The following ARHGEF7 variants were observed in gnomAD, a reference collection of about 807,000 sequenced individuals.
ARHGEF7 encodes PAK-interacting exchange factor beta.
In ARHGEF7, 33 loss-of-function variants were observed where a neutral mutation model predicts 109.8. That is an observed-to-expected ratio of 0.30 (90% CI 0.23 to 0.40). ARHGEF7 has a LOEUF of 0.40. Ranked by LOEUF, ARHGEF7 falls within the 10% of genes least tolerant of loss-of-function variation. The pLI is 1.00. For missense variants in ARHGEF7, 938 were observed against 1,098.5 expected (o/e 0.85, Z 2.07); for synonymous variants, 458 against 424.6 (o/e 1.08, Z -0.97).
chr13:111,206,663 A>G (rs1319929589), intron 3 of ARHGEF7, among the ~76,000 whole-genome samples: 1 of 152,154 alleles, frequency 6.6e-6, no homozygotes, highest in African/African-American at 2.4e-5. Flanking sequence ...AATATGAACA[A>G]ACAATAAGAA....
rs564963378 is a variant in ARHGEF7 at position 111,235,200 on chromosome 13, A to G, written c.759+1907A>G. 3.9e-5 allele frequency among the ~76,000 whole-genome samples: 6 copies of G among 152,334 alleles called. No individual in the cohort carries two copies. The South Asian group carries it at 1.2e-3, about 32-fold the overall frequency. ...CAGGTCCAGATAATTCTGTTAGAAA[A>G]AGTGGTCAGCAGTGTTTAAATTGGT... On this transcript the variant is annotated intron_variant, in intron 6 of 21. Coordinates refer to ENST00000646102, the MANE Select transcript of ARHGEF7 (RefSeq NM_001354046.2).
At chr13:111,172,426 A>G (rs951264055) in intron 2 of ARHGEF7, among the ~76,000 whole-genome samples, 3 of 152,204 alleles carry the variant, frequency 2.0e-5, no homozygotes, top group Non-Finnish European at 2.9e-5. Flanking sequence ...CCCTGAAGTC[A>G]TGGCATTCTC....
At chr13:111,168,219 T>C (rs1296822250) in intron 2 of ARHGEF7, among the ~76,000 whole-genome samples, 1 of 152,110 alleles carries the variant, frequency 6.6e-6, no homozygotes, top group Non-Finnish European at 1.5e-5. Context: ...CTGTGCCTGC[T>C]TCTCTGCCTC....
intron 2 of ARHGEF7, among the ~76,000 whole-genome samples, chr13:111,166,207 C>G (rs1009707115): frequency 6.6e-6 from 1 of 152,170 alleles, no homozygotes; most frequent in African/African-American, 2.4e-5. Flanking sequence ...TGATTTTGGT[C>G]ATTTTCCTCC....
At chr13:111,223,858 A>ATTT (rs35652076) in intron 5 of ARHGEF7, among the ~76,000 whole-genome samples, 2,355 of 139,022 alleles carry the variant, frequency 0.017, 59 homozygotes, top group African/African-American at 0.057. Context: ...TTTCTATAGC[A>ATTT]TTTTTTTTTT....
intron 2 of ARHGEF7, among the ~76,000 whole-genome samples, chr13:111,196,698 T>C (rs1167406538): frequency 6.6e-6 from 1 of 152,086 alleles, no homozygotes; most frequent in Non-Finnish European, 1.5e-5. Context: ...AGGAGGCTTA[T>C]CATTAATAGG....
At chr13:111,240,463 C>T (rs2087575480) in intron 6 of ARHGEF7, among the ~76,000 whole-genome samples, 1 of 152,154 alleles carries the variant, frequency 6.6e-6, no homozygotes, top group African/African-American at 2.4e-5. Context: ...GTCGGGGAGC[C>T]ACTGACTGCC....
intron 9 of ARHGEF7, among the ~76,000 whole-genome samples, chr13:111,270,932 A>AG (rs1419906816): frequency 2.0e-5 from 3 of 152,178 alleles, no homozygotes; most frequent in Non-Finnish European, 4.4e-5. Context: ...AGCACTTCTG[A>AG]GTAAGAACTG....
chr13:111,160,482 G>A (rs73633256), intron 2 of ARHGEF7, among the ~76,000 whole-genome samples: 5,073 of 152,152 alleles, frequency 0.033, 289 homozygotes, highest in African/African-American at 0.12. Context: ...TGACTGATAC[G>A]GTTTGCCTGT....
chr13:111,172,763 TG>T (rs1228031421), intron 2 of ARHGEF7, among the ~76,000 whole-genome samples: 1 of 152,174 alleles, frequency 6.6e-6, no homozygotes, highest in Non-Finnish European at 1.5e-5. Context: ...TTGTGGGGGC[TG>T]GGGTGGGGCA....
chr13:111,227,888 C>G (rs182053315), intron 5 of ARHGEF7, among the ~76,000 whole-genome samples: 2 of 152,358 alleles, frequency 1.3e-5, no homozygotes, highest in African/African-American at 4.8e-5. Flanking sequence ...CACATTCTGC[C>G]TTTACTCACC....
chr13:111,138,012 C>A (rs1286548700), intron 1 of ARHGEF7, among the ~76,000 whole-genome samples: 1 of 152,150 alleles, frequency 6.6e-6, no homozygotes, highest in Non-Finnish European at 1.5e-5. Flanking sequence ...TCTGGGTTGC[C>A]AGTTCAAAAA....
At chr13:111,162,498 A>G (rs1203264050) in intron 2 of ARHGEF7, among the ~76,000 whole-genome samples, 2 of 152,188 alleles carry the variant, frequency 1.3e-5, no homozygotes, top group Admixed American at 6.5e-5. Flanking sequence ...CTGGCTGTAA[A>G]TGCATCTTGA....
intron 2 of ARHGEF7, among the ~76,000 whole-genome samples, chr13:111,186,161 G>A (rs745836895): frequency 2.0e-5 from 3 of 152,076 alleles, no homozygotes; most frequent in Non-Finnish European, 4.4e-5. Context: ...TGGAGGTTGC[G>A]CCCGGTCTGC....
In ARHGEF7 at chr13:111,300,818, A is replaced by G. The variant is rs759632821; in HGVS notation, c.2382A>G (p.Lys794=). The G allele has an allele frequency of 9.3e-6, 15 of 1,609,892 alleles. No individual in the cohort carries two copies. Among genetic ancestry groups the G allele is most frequent in the Non-Finnish European group, 1.3e-5 (15 of 1,177,394 alleles). ...AGAAAATTATAGTGGAAGAAACTAAAAGTAATGGTCAGACAGTGATAGAAG... is the reference window on the plus strand; with the variant it reads ...AGAAAATTATAGTGGAAGAAACTAAGAGTAATGGTCAGACAGTGATAGAAG... ...EEEKIIVEET[K]SNGQTVIEEK... The change falls in exon 20 of 22, where the codon AAA becomes AAG. Residue 794 remains lysine (K), a synonymous_variant. Coordinates refer to ENST00000646102, the MANE Select transcript of ARHGEF7 (RefSeq NM_001354046.2).
chr13:111,236,481 ATACTGT>A (rs544071152), intron 6 of ARHGEF7, among the ~76,000 whole-genome samples: 2 of 152,332 alleles, frequency 1.3e-5, no homozygotes, highest in African/African-American at 4.8e-5. Context: ...CCCCTGGGTT[ATACTGT>A]TGCTGTTGCT....
chr13:111,178,144 A>T (rs553020737), intron 2 of ARHGEF7, among the ~76,000 whole-genome samples: 5 of 152,338 alleles, frequency 3.3e-5, no homozygotes, highest in African/African-American at 1.2e-4. Flanking sequence ...AAGCAAGAAA[A>T]TGCCAGCTGA....
At position 111,266,940 on chromosome 13, in the gene ARHGEF7, G is replaced by A. The variant is rs2091697238; in HGVS notation, c.951-608G>A. On this transcript the variant is annotated intron_variant, in intron 8 of 21. Transcript: ENST00000646102. The surrounding 1 kb of genome is among the most constrained non-coding windows in gnomAD (Gnocchi z 4.8). Reference sequence around the variant, plus strand: ...CAACACTGAGGCGGCACCACCAGGGGCCCTGATGCCCACAGCTTGTGCCGA... The same window carrying A: ...CAACACTGAGGCGGCACCACCAGGGACCCTGATGCCCACAGCTTGTGCCGA... 2.2e-6 allele frequency: 1 copy of A among 455,192 alleles called. No individual in the cohort carries two copies. Among genetic ancestry groups the A allele is most frequent in the Non-Finnish European group, 4.4e-6 (1 of 226,188 alleles). The allele number at this position is 455,192 out of a possible 1,614,324, so 28.2% of individuals were successfully genotyped here.
intron 19 of ARHGEF7, chr13:111,294,817 A>C (rs920287556): frequency 6.6e-5 from 65 of 985,756 alleles, no homozygotes; most frequent in Non-Finnish European, 7.5e-5. Flanking sequence ...TCTGAACTAG[A>C]AGGTAGGTTT....
Sources: gnomAD v4.1 joint callset for allele counts (sites outside exome capture counted in the v4.1 genomes callset) on GRCh38, gnomAD v4.1.1 for gene constraint, Gnocchi (gnomAD v3.1) non-coding constraint, MANE v1.5 for transcripts, NCBI Gene and HGNC (gene_info 2026-07-23, HGNC 2026-07-21) for gene names.